Variants in SDK2 observed in about 807,000 individuals in gnomAD.
SDK2 encodes sidekick cell adhesion molecule 2.
SDK2 carries 105 observed loss-of-function variants against 253.9 expected under a neutral mutation model. The observed-to-expected ratio is 0.41, with a 90% CI of 0.35 to 0.49. The LOEUF (loss-of-function observed/expected upper bound fraction) is 0.49, where lower values mean the gene tolerates loss of function less well. SDK2 is among the 20% of genes least tolerant of loss of function. The probability of loss-of-function intolerance (pLI) is 0.06; values close to 1 mark genes in which losing one functional copy is unlikely to be tolerated. For missense variants in SDK2, 2,608 were observed against 3,003.0 expected (o/e 0.87, Z 3.07); for synonymous variants, 1,249 against 1,234.9 (o/e 1.01, Z -0.24).
At chr17:73,373,011 G>C (rs545894921) in intron 36 of SDK2, among the ~76,000 whole-genome samples, 1 of 152,214 alleles carries the variant, frequency 6.6e-6, no homozygotes, top group Admixed American at 6.5e-5. Flanking sequence ...TGTATCCTGG[G>C]ACCTTCTCCC....
Position 73,496,555 on chromosome 17 carries a change from A to G in SDK2, c.224+10883T>C, listed in dbSNP as rs569517635. Among the ~76,000 whole-genome samples, 4 of 152,254 alleles carry G rather than the reference A, an allele frequency of 2.6e-5. No individual in the cohort carries two copies. In the East Asian group the frequency reaches 5.8e-4, roughly 22 times the overall value. ...GTGAGAGAGGAGGCTGGACAGATGG[A>G]CAGGACCCGGTGATACAGGGTCTTG... On this transcript the variant is annotated intron_variant, in intron 2 of 44. Transcript: ENST00000392650. This position sits in a 1 kb window ranked among gnomAD's most constrained non-coding sequence, Gnocchi z 4.7.
In SDK2 at chr17:73,511,058, C is replaced by T. The variant is rs961044640; in HGVS notation, c.65-3461G>A. On this transcript the variant is annotated intron_variant, in intron 1 of 44. Transcript: ENST00000392650. The surrounding 1 kb of genome is among the most constrained non-coding windows in gnomAD (Gnocchi z 4.9). ...TTGCCAAGGAAAAGGACCCACTGCCCGCCGCCCGGCTGGCAGCAGCCAGCT... is the reference window on the plus strand; with the variant it reads ...TTGCCAAGGAAAAGGACCCACTGCCTGCCGCCCGGCTGGCAGCAGCCAGCT... Among the ~76,000 whole-genome samples the T allele has an allele frequency of 2.6e-5, 4 of 152,140 alleles. No homozygotes were observed. The highest frequency in any genetic ancestry group is 2.1e-4 in the South Asian group (1 of 4,826).
intron 4 of SDK2, among the ~76,000 whole-genome samples, chr17:73,448,397 A>G (rs1214950873): frequency 1.3e-5 from 2 of 151,416 alleles, no homozygotes; most frequent in East Asian, 3.9e-4. Context: ...GACAGTCTCG[A>G]TCTGTTGCCC....
intron 44 of SDK2, among the ~76,000 whole-genome samples, chr17:73,345,453 T>C (rs543626360): frequency 2.0e-5 from 3 of 152,214 alleles, no homozygotes; most frequent in Non-Finnish European, 4.4e-5. Flanking sequence ...TAGTAAATCA[T>C]AACATATTAT....
intron 1 of SDK2, among the ~76,000 whole-genome samples, chr17:73,514,682 A>C (rs1329640282): frequency 6.6e-6 from 1 of 152,202 alleles, no homozygotes; most frequent in Non-Finnish European, 1.5e-5. Context: ...CCCAGCTCTG[A>C]AACATGCAGA....
chr17:73,541,554 C>G lies in SDK2; in HGVS notation c.65-33957G>C, dbSNP rs1468969987. On this transcript the variant is annotated intron_variant, in intron 1 of 44. Transcript: ENST00000392650. This position sits in a 1 kb window ranked among gnomAD's most constrained non-coding sequence, Gnocchi z 4.3. ...AGGTAGAGGGGTGAGTGCCCGTGGTCTACTTCATGGCGACTTCAAGGCCAG... is the reference window on the plus strand; with the variant it reads ...AGGTAGAGGGGTGAGTGCCCGTGGTGTACTTCATGGCGACTTCAAGGCCAG... Among the ~76,000 whole-genome samples the G allele has an allele frequency of 6.6e-6, 1 of 151,728 alleles. No homozygotes were observed. The highest frequency in any genetic ancestry group is 1.5e-5 in the Non-Finnish European group (1 of 67,934).
chr17:73,613,116 C>A (rs894724052), intron 1 of SDK2, among the ~76,000 whole-genome samples: 1 of 152,170 alleles, frequency 6.6e-6, no homozygotes, highest in Non-Finnish European at 1.5e-5. Context: ...CACAAAGCGG[C>A]ACGAGAGATT....
rs1337391432 is a variant in SDK2 at position 73,644,122 on chromosome 17, C to G, written c.-34G>C. 6.6e-7 allele frequency: 1 copy of G among 1,520,414 alleles called. No homozygotes were observed. The highest frequency in any genetic ancestry group is 8.9e-7 in the Non-Finnish European group (1 of 1,118,982). 94.2% of individuals were successfully genotyped at this position (1,520,414 alleles called of 1,614,324 possible). Reference sequence around the variant, plus strand: ...GCCTGGAGAGGGGTCCTCGGGGTCTCCCTTCCCTCCGCCCTGTTTTATAAT... The same window carrying G: ...GCCTGGAGAGGGGTCCTCGGGGTCTGCCTTCCCTCCGCCCTGTTTTATAAT... On this transcript the variant is annotated 5_prime_UTR_variant, in exon 1 of 45. Coordinates refer to ENST00000392650, the MANE Select transcript of SDK2 (RefSeq NM_001144952.2). This position sits in a 1 kb window ranked among gnomAD's most constrained non-coding sequence, Gnocchi z 6.3.
Position 73,411,815 on chromosome 17 carries a change from T to C in SDK2, c.2484+2829A>G, listed in dbSNP as rs186892861. Among the ~76,000 whole-genome samples the C allele has an allele frequency of 4.4e-3, 651 of 148,214 alleles. 3 individuals are homozygous for C. The highest frequency in any genetic ancestry group is 6.5e-3 in the Non-Finnish European group (438 of 67,354). ...TTTTTTTTTTTTTTTGGTCAGAGTC[T>C]CGCTGGAGTGTAGTGGCAGAATCTC... On this transcript the variant is annotated intron_variant, in intron 18 of 44. Transcript: ENST00000392650.
Position 73,365,378 on chromosome 17 carries a change from A to G in SDK2, c.5185T>C (p.Ser1729Pro). Residue 1729 changes from serine to proline, a missense_variant, in exon 38 of 45, where the codon TCG becomes CCG. Ser to Pro is a moderately conservative substitution (Grantham distance 74). Around this residue, in one of 2 missense-constraint regions of SDK2, gnomAD observed 1,103 missense variants for 1,143.9 expected, o/e 0.96. Coordinates refer to ENST00000392650, the MANE Select transcript of SDK2 (RefSeq NM_001144952.2). ...TQQAAPSAPS[S>P]VKFSELTTTS... ...GTGGTCAGCTCACTGAACTTGACCG[A>G]GCTGGGAGCGCTGGGGGCTGCGGGA... is the stretch of plus-strand genomic sequence containing the variant. 6.2e-7 allele frequency: 1 copy of G among 1,610,448 alleles called. No individual in the cohort carries two copies. The highest frequency in any genetic ancestry group is 8.5e-7 in the Non-Finnish European group (1 of 1,178,676).
rs1404692466 is a variant in SDK2 at position 73,507,323 on chromosome 17, GC to G, written c.224+114del. 1.0e-5 allele frequency: 12 copies of G among 1,149,084 alleles called. No homozygotes were observed. The African/African-American group carries it at 1.7e-4, about 16-fold the overall frequency. 71.2% of individuals were successfully genotyped at this position (1,149,084 alleles called of 1,614,324 possible). A position where few individuals can be genotyped will look rare whatever the true frequency, so the allele number is the denominator to read the frequency against. The stretch of plus-strand genomic sequence containing the variant: ...TTGCCACTCACTTCCAGAACTCCAG[GC>G]TCTAGGAGCCCTGAGCCCCACACTG... On this transcript the variant is annotated intron_variant, in intron 2 of 44. Coordinates refer to ENST00000392650, the MANE Select transcript of SDK2 (RefSeq NM_001144952.2).
intron 1 of SDK2, among the ~76,000 whole-genome samples, chr17:73,637,771 A>C (rs1272092296): frequency 1.3e-5 from 2 of 152,206 alleles, no homozygotes; most frequent in Non-Finnish European, 2.9e-5. Flanking sequence ...CCATGTATGA[A>C]TGGCATTACC....
chr17:73,464,056 G>T (rs558154429), intron 3 of SDK2, among the ~76,000 whole-genome samples: 2 of 152,318 alleles, frequency 1.3e-5, no homozygotes, highest in South Asian at 2.1e-4. Flanking sequence ...ATGGTACTTT[G>T]TTGTGGTTTT....
In SDK2 at chr17:73,379,247, G is replaced by A. The variant is rs1225469834; in HGVS notation, c.4910C>T (p.Ala1637Val). The stretch of plus-strand genomic sequence containing the variant: ...CTCCCAAGTCACGTCCAGCTGTGTG[G>A]CCGTGGCGCCGTGGACGACCACGTT... The part of the protein sequence containing the change: ...PRNVVVHGAT[A>V]TQLDVTWEPP... Residue 1637 changes from alanine (A) to valine (V), a missense_variant, in exon 36 of 45, where the codon GCC becomes GTC. By Grantham distance (64) the Ala-to-Val change is moderately conservative. This residue lies in a region of SDK2 where 1,103 missense variants were observed against 1,143.9 expected (regional missense o/e 0.96). Transcript: ENST00000392650. The surrounding 1 kb of genome is among the most constrained non-coding windows in gnomAD (Gnocchi z 4.5). 1 of 1,556,234 alleles carries A rather than the reference G, an allele frequency of 6.4e-7. No homozygotes were observed. The highest frequency in any genetic ancestry group is 1.2e-5 in the South Asian group (1 of 84,318).
At chr17:73,494,451 C>T (rs1227608583) in intron 2 of SDK2, among the ~76,000 whole-genome samples, 1 of 152,212 alleles carries the variant, frequency 6.6e-6, no homozygotes, top group African/African-American at 2.4e-5. Flanking sequence ...CTCCAGCTTC[C>T]TCGGGAGTGG....
At chr17:73,526,508 C>CAATG (rs1313715391) in intron 1 of SDK2, among the ~76,000 whole-genome samples, 11 of 152,150 alleles carry the variant, frequency 7.2e-5, no homozygotes, top group African/African-American at 2.4e-4. Context: ...TTCAATGAAT[C>CAATG]AATGAATGAA....
rs181483189 is a variant in SDK2 at position 73,612,469 on chromosome 17, C to A, written c.64+31556G>T. Among the ~76,000 whole-genome samples, 1 of 152,254 alleles carries A rather than the reference C, an allele frequency of 6.6e-6. No individual in the cohort carries two copies. The highest frequency in any genetic ancestry group is 1.5e-5 in the Non-Finnish European group (1 of 68,012). ...CCTCACTGGGTCCTTGTGGCCCTGC[C>A]GGGGTGAGGGTAGAAGAGGAGGCCA... On this transcript the variant is annotated intron_variant, in intron 1 of 44. Coordinates refer to ENST00000392650, the MANE Select transcript of SDK2 (RefSeq NM_001144952.2). This position sits in a 1 kb window ranked among gnomAD's most constrained non-coding sequence, Gnocchi z 4.4.
chr17:73,425,305 A>C (rs1213690827), intron 12 of SDK2, among the ~76,000 whole-genome samples: 1 of 152,220 alleles, frequency 6.6e-6, no homozygotes. Flanking sequence ...AAAAAAAGAA[A>C]GGAAAAGAAA....
chr17:73,558,575 C>T (rs2045180707), intron 1 of SDK2, among the ~76,000 whole-genome samples: 1 of 152,124 alleles, frequency 6.6e-6, no homozygotes, highest in South Asian at 2.1e-4. Flanking sequence ...TATCATCCAG[C>T]CTGTGAAGTT....
Sources: allele counts gnomAD v4.1 joint callset (sites outside exome capture counted in the v4.1 genomes callset), GRCh38; gene constraint gnomAD v4.1.1; regional missense constraint gnomAD v4.1.1; non-coding constraint Gnocchi (gnomAD v3.1); transcripts MANE v1.5; gene names NCBI Gene and HGNC (gene_info 2026-07-23, HGNC 2026-07-21).